Variants in PCNX2 observed in about 807,000 individuals in gnomAD.
PCNX2 encodes pecanex 2.
A neutral mutation model predicts 223.8 loss-of-function variants in PCNX2; 168 were observed. The observed-to-expected ratio is 0.75, with a 90% confidence interval of 0.66 to 0.85. PCNX2 has a LOEUF of 0.85. PCNX2 is among the 40% of genes least tolerant of loss of function. PCNX2 has a pLI of 0.00. For missense variants in PCNX2, 2,507 were observed against 2,675.5 expected (o/e 0.94, Z 1.39); for synonymous variants, 1,006 against 1,052.6 (o/e 0.96, Z 0.86).
At chr1:233,283,027 A>T (rs991432685) in intron 1 of PCNX2, among the ~76,000 whole-genome samples, 4 of 151,456 alleles carry the variant, frequency 2.6e-5, no homozygotes, top group African/African-American at 7.3e-5. Context: ...ATTCTAAAAA[A>T]AAAAATAATA....
At chr1:233,238,763 T>G (rs1558379936) in intron 8 of PCNX2, among the ~76,000 whole-genome samples, 1 of 150,358 alleles carries the variant, frequency 6.7e-6, no homozygotes, top group Non-Finnish European at 1.5e-5. Context: ...TTCAATAAAG[T>G]CTTCATATAA....
In PCNX2 at chr1:233,106,702, C is replaced by T. The variant is rs555759508; in HGVS notation, c.3838-10839G>A. Among the ~76,000 whole-genome samples, 5 of 152,230 alleles carry T rather than the reference C, an allele frequency of 3.3e-5. No individual in the cohort carries two copies. In the South Asian group the frequency reaches 1.0e-3, roughly 32 times the overall value. On this transcript the variant is annotated intron_variant, in intron 21 of 33. Coordinates refer to ENST00000258229, the MANE Select transcript of PCNX2 (RefSeq NM_014801.4). ...GCCCTTGGGAAATGGGTATGACAGC[C>T]AAGTTCATTCACCTCCTATCAGGAT...
Position 233,001,802 on chromosome 1 carries a change from T to C in PCNX2, c.4953-121A>G. 9.7e-7 allele frequency: 1 copy of C among 1,035,566 alleles called. No individual in the cohort carries two copies. The highest frequency in any genetic ancestry group is 1.3e-6 in the Non-Finnish European group (1 of 771,684). The allele number at this position is 1,035,566 out of a possible 1,614,324, so 64.1% of individuals were successfully genotyped here. On this transcript the variant is annotated intron_variant, in intron 28 of 33. Coordinates refer to ENST00000258229, the MANE Select transcript of PCNX2 (RefSeq NM_014801.4). The surrounding 1 kb of genome is among the most constrained non-coding windows in gnomAD (Gnocchi z 4.2). ...CATTTAGGCTGATATAGCAAGAAAA[T>C]GAAGATAACAGGACTCATCCCAGTG...
chr1:232,987,978 C>G (rs1571981240), intron 32 of PCNX2, among the ~76,000 whole-genome samples: 1 of 152,348 alleles, frequency 6.6e-6, no homozygotes, highest in African/African-American at 2.4e-5. Context: ...GATGAGTGTG[C>G]TCAGCCCCTC....
Position 233,086,485 on chromosome 1 carries a change from G to A in PCNX2, c.4076+3576C>T, listed in dbSNP as rs560350490. On this transcript the variant is annotated intron_variant, in intron 23 of 33. Transcript: ENST00000258229. ...ATCCTGGCTAACACGGTGAAACCCCGTCTCTACTAAAAATACAAAAAAAAA... is the reference window on the plus strand; with the variant it reads ...ATCCTGGCTAACACGGTGAAACCCCATCTCTACTAAAAATACAAAAAAAAA... Among the ~76,000 whole-genome samples the A allele has an allele frequency of 2.1e-4, 32 of 151,422 alleles. 1 individual carries two copies. The East Asian group carries it at 2.9e-3, about 14-fold the overall frequency.
intron 20 of PCNX2, 99 bp from the exon 21 acceptor site, chr1:233,135,289 G>C: frequency 7.8e-7 from 1 of 1,285,394 alleles, no homozygotes; most frequent in Non-Finnish European, 1.1e-6. Context: ...GGTTCATTAA[G>C]AACTTTACAG....
At chr1:233,074,366 G>A (rs867813283) in intron 23 of PCNX2, among the ~76,000 whole-genome samples, 5 of 151,936 alleles carry the variant, frequency 3.3e-5, no homozygotes, top group African/African-American at 4.8e-5. Context: ...AGGCCGAGGC[G>A]GGCAGATCAC....
In PCNX2 at chr1:232,993,111, A is replaced by G. The variant is rs1351668012; in HGVS notation, c.5791+5140T>C. Reference sequence around the variant, plus strand: ...GTGGAAGCAACTTTGGAACTGGGTAATAGGCAGAGATTGGAACAGTTTGGA... The same window carrying G: ...GTGGAAGCAACTTTGGAACTGGGTAGTAGGCAGAGATTGGAACAGTTTGGA... On this transcript the variant is annotated intron_variant, in intron 32 of 33. Transcript: ENST00000258229. 2.0e-5 allele frequency among the ~76,000 whole-genome samples: 3 copies of G among 152,234 alleles called. No individual in the cohort carries two copies. The East Asian group carries it at 5.8e-4, about 29-fold the overall frequency.
chr1:233,087,220 A>T (rs1409474442), intron 23 of PCNX2: 12 of 985,236 alleles, frequency 1.2e-5, no homozygotes, highest in African/African-American at 1.7e-5. Flanking sequence ...GCTTTAAAAG[A>T]TCTGCAATAA....
intron 32 of PCNX2, among the ~76,000 whole-genome samples, chr1:232,995,725 C>T (rs965595787): frequency 3.9e-5 from 6 of 152,164 alleles, no homozygotes; most frequent in East Asian, 1.9e-4. Context: ...CTTCCACAAA[C>T]GGGAAGCTGT....
intron 1 of PCNX2, among the ~76,000 whole-genome samples, chr1:233,276,751 G>T (rs1572191660): frequency 6.6e-6 from 1 of 152,282 alleles, no homozygotes; most frequent in East Asian, 1.9e-4. Context: ...TTGTTAGCTG[G>T]ATCCTAAAGA....
At chr1:233,264,866 T>C (rs2103002982) in intron 1 of PCNX2, among the ~76,000 whole-genome samples, 1 of 152,182 alleles carries the variant, frequency 6.6e-6, no homozygotes, top group South Asian at 2.1e-4. Flanking sequence ...TTAAGCTAAA[T>C]CTAGAGAGTT....
intron 21 of PCNX2, among the ~76,000 whole-genome samples, chr1:233,115,378 G>A (rs77147690): frequency 0.017 from 2,552 of 152,176 alleles, 85 homozygotes; most frequent in African/African-American, 0.058. Flanking sequence ...AACCGTTTCC[G>A]AAGAGAAGCT....
chr1:233,316,953 C>A, the PCNX2 span, among the ~76,000 whole-genome samples: 20 of 152,162 alleles, frequency 1.3e-4, no homozygotes, highest in Non-Finnish European at 2.6e-4. Context: ...TTTTATTCAC[C>A]ATTATATTCC....
intron 21 of PCNX2, among the ~76,000 whole-genome samples, chr1:233,129,880 A>G (rs60111945): frequency 0.041 from 6,252 of 152,304 alleles, 158 homozygotes; most frequent in African/African-American, 0.088. Context: ...GCAGGCTGCC[A>G]GAGCCAGCAG....
chr1:233,266,598 A>C (rs2103004891), intron 1 of PCNX2, among the ~76,000 whole-genome samples: 1 of 152,308 alleles, frequency 6.6e-6, no homozygotes, highest in Non-Finnish European at 1.5e-5. Flanking sequence ...GCAGAGAAAG[A>C]AGGCTTAGGA....
Position 233,166,602 on chromosome 1 carries a change from G to A in PCNX2, c.3274-5239C>T, listed in dbSNP as rs551701358. ...GACGCTTCACTGAAGGAGATATACA[G>A]ATGGCAAATGGTAATTACTGAGCTT... On this transcript the variant is annotated intron_variant, in intron 17 of 33. Coordinates refer to ENST00000258229, the MANE Select transcript of PCNX2 (RefSeq NM_014801.4). Among the ~76,000 whole-genome samples the A allele has an allele frequency of 4.6e-5, 7 of 152,130 alleles. No individual in the cohort carries two copies. In the East Asian group the frequency reaches 1.2e-3, roughly 25 times the overall value.
chr1:233,184,908 C>T lies in PCNX2; in HGVS notation c.3067-5733G>A, dbSNP rs145680817. Among the ~76,000 whole-genome samples, 6 of 151,920 alleles carry T rather than the reference C, an allele frequency of 3.9e-5. No individual in the cohort carries two copies. The East Asian group carries it at 1.2e-3, about 29-fold the overall frequency. On this transcript the variant is annotated intron_variant, in intron 15 of 33. Transcript: ENST00000258229. ...GTGCTAATTTTCATGTTTACTTGCC[C>T]AACCTCACACTTCCACACAACTCTT...
chr1:233,303,115 G>GCACA, the PCNX2 span, among the ~76,000 whole-genome samples: 4 of 148,954 alleles, frequency 2.7e-5, no homozygotes, highest in Admixed American at 6.7e-5. Flanking sequence ...AAATACAAAT[G>GCACA]CACACACACA....
Sources: allele counts gnomAD v4.1 joint callset (sites outside exome capture counted in the v4.1 genomes callset), GRCh38; gene constraint gnomAD v4.1.1; non-coding constraint Gnocchi (gnomAD v3.1); transcripts MANE v1.5; gene names NCBI Gene and HGNC (gene_info 2026-07-23, HGNC 2026-07-21).